The following BMPR1B variants were observed in gnomAD, a reference collection of about 807,000 sequenced individuals.
BMPR1B encodes bone morphogenetic protein receptor type 1B.
A neutral mutation model predicts 59.1 loss-of-function variants in BMPR1B; 12 were observed. The observed-to-expected ratio is 0.20, with a 90% CI of 0.13 to 0.33. The LOEUF (loss-of-function observed/expected upper bound fraction) is 0.33, where lower values mean the gene tolerates loss of function less well. Among genes scored for constraint, BMPR1B ranks in the 10% least tolerant of loss-of-function variants. BMPR1B has a pLI of 1.00. For missense variants in BMPR1B, 550 were observed against 610.9 expected (o/e 0.90, Z 1.05); for synonymous variants, 237 against 207.3 (o/e 1.14, Z -1.23).
intron 2 of BMPR1B, among the ~76,000 whole-genome samples, chr4:94,931,151 A>G (rs944282681): frequency 5.3e-5 from 8 of 152,114 alleles, no homozygotes; most frequent in African/African-American, 1.9e-4. Flanking sequence ...GCTAGCTATA[A>G]AAAATACAGT....
At chr4:94,981,903 T>G (rs1197518074) in intron 2 of BMPR1B, among the ~76,000 whole-genome samples, 1 of 152,196 alleles carries the variant, frequency 6.6e-6, no homozygotes, top group Non-Finnish European at 1.5e-5. Flanking sequence ...TTACCAGAAT[T>G]ACATGCTGCA....
At chr4:94,967,419 T>C (rs1371013649) in intron 2 of BMPR1B, among the ~76,000 whole-genome samples, 1 of 152,054 alleles carries the variant, frequency 6.6e-6, no homozygotes, top group Non-Finnish European at 1.5e-5. Context: ...GTATTCTCTT[T>C]TCTTCTATTA....
chr4:94,910,905 C>A (rs948910899), intron 2 of BMPR1B, among the ~76,000 whole-genome samples: 4 of 152,010 alleles, frequency 2.6e-5, no homozygotes, highest in African/African-American at 9.7e-5. Context: ...GAAAGAGACC[C>A]TGTCTTTTCC....
chr4:94,994,172 T>C (rs1721918290), intron 2 of BMPR1B, among the ~76,000 whole-genome samples: 1 of 152,256 alleles, frequency 6.6e-6, no homozygotes. Context: ...CCTGGTAGGC[T>C]ATCCTACTCT....
At chr4:95,055,572 G>T (rs1726861581) in intron 3 of BMPR1B, among the ~76,000 whole-genome samples, 1 of 152,124 alleles carries the variant, frequency 6.6e-6, no homozygotes, top group Non-Finnish European at 1.5e-5. Flanking sequence ...CTATTAATCG[G>T]CAGTAACTGC....
chr4:95,060,141 C>CAGGT (rs1236222074), intron 3 of BMPR1B, among the ~76,000 whole-genome samples: 1 of 152,146 alleles, frequency 6.6e-6, no homozygotes, highest in East Asian at 1.9e-4. Flanking sequence ...TTTTAACATA[C>CAGGT]AGGTCCCAAT....
intron 6 of BMPR1B, among the ~76,000 whole-genome samples, chr4:95,119,964 A>C (rs1482909690): frequency 6.6e-6 from 1 of 152,052 alleles, no homozygotes; most frequent in East Asian, 1.9e-4. Context: ...CTGTTACAGG[A>C]GTTTATTGGA....
intron 3 of BMPR1B, among the ~76,000 whole-genome samples, chr4:95,087,541 G>C (rs970094555): frequency 6.6e-6 from 1 of 152,056 alleles, no homozygotes. Context: ...GACCTGCCTG[G>C]ACAACATGGC....
At chr4:94,939,358 A>G (rs1729429221) in intron 2 of BMPR1B, among the ~76,000 whole-genome samples, 1 of 152,224 alleles carries the variant, frequency 6.6e-6, no homozygotes, top group Admixed American at 6.5e-5. Context: ...GGATAATTAA[A>G]GTCTTCAATA....
chr4:94,781,110 A>G (rs770874108), intron 1 of BMPR1B, among the ~76,000 whole-genome samples: 15 of 152,252 alleles, frequency 9.9e-5, no homozygotes, highest in African/African-American at 2.2e-4. Flanking sequence ...CTTATTGGCC[A>G]TTTGTATGTC....
intron 3 of BMPR1B, among the ~76,000 whole-genome samples, chr4:95,039,293 A>C (rs1725479221): frequency 6.6e-6 from 1 of 152,122 alleles, no homozygotes; most frequent in South Asian, 2.1e-4. Flanking sequence ...GTAATGCTCT[A>C]GACAAGGCAG....
chr4:95,052,419 G>GA (rs1466496877), intron 3 of BMPR1B, among the ~76,000 whole-genome samples: 2 of 152,100 alleles, frequency 1.3e-5, no homozygotes, highest in African/African-American at 2.4e-5. Flanking sequence ...TTTCAAATGA[G>GA]AAAAAAGCTA....
intron 1 of BMPR1B, among the ~76,000 whole-genome samples, chr4:94,794,757 A>G (rs1298510611): frequency 1.3e-5 from 2 of 151,788 alleles, no homozygotes; most frequent in Admixed American, 6.6e-5. Context: ...TTGGATTCCT[A>G]GGTATTTTAT....
At chr4:94,916,057 C>T (rs1324034054) in intron 2 of BMPR1B, among the ~76,000 whole-genome samples, 3 of 152,160 alleles carry the variant, frequency 2.0e-5, no homozygotes, top group Non-Finnish European at 2.9e-5. Context: ...CAAGCAAGTG[C>T]CAGACCCACA....
At chr4:94,774,962 A>C (rs1390101632) in intron 1 of BMPR1B, among the ~76,000 whole-genome samples, 3 of 152,108 alleles carry the variant, frequency 2.0e-5, no homozygotes, top group African/African-American at 4.8e-5. Context: ...GAATTTTTTA[A>C]ATGTATGATT....
At chr4:94,976,240 TA>T (rs1731028960) in intron 2 of BMPR1B, among the ~76,000 whole-genome samples, 1 of 152,214 alleles carries the variant, frequency 6.6e-6, no homozygotes. Context: ...GCTGAATATT[TA>T]AAGAGAGAAT....
intron 3 of BMPR1B, among the ~76,000 whole-genome samples, chr4:95,011,249 C>A (rs1343966391): frequency 6.6e-6 from 1 of 151,968 alleles, no homozygotes; most frequent in Non-Finnish European, 1.5e-5. Context: ...CACCCTCCAC[C>A]CTCAGGTAGA....
At chr4:95,071,993 T>C (rs1167932706) in intron 3 of BMPR1B, among the ~76,000 whole-genome samples, 3 of 151,994 alleles carry the variant, frequency 2.0e-5, no homozygotes, top group Admixed American at 1.3e-4. Context: ...TTCTGGAGGC[T>C]AACAAGTCCC....
In BMPR1B at chr4:94,917,817, T is replaced by C. The variant is rs189775992; in HGVS notation, c.-113+41917T>C. ...AGGGCCAGGGCGGAATAATACAGTT[T>C]GGATATTTGTCCTCACCTAACTCTC... On this transcript the variant is annotated intron_variant, in intron 2 of 12. Transcript: ENST00000515059. 5.3e-5 allele frequency among the ~76,000 whole-genome samples: 8 copies of C among 152,240 alleles called. No homozygotes were observed. The East Asian group carries it at 1.4e-3, about 26-fold the overall frequency.
Sources: gnomAD v4.1 joint callset for allele counts (sites outside exome capture counted in the v4.1 genomes callset) on GRCh38, gnomAD v4.1.1 for gene constraint, MANE v1.5 for transcripts, NCBI Gene and HGNC (gene_info 2026-07-23, HGNC 2026-07-21) for gene names.